Variants in DLEU7 observed in about 807,000 individuals in gnomAD.
The protein encoded by DLEU7 is deleted in lymphocytic leukemia 7, also known as leukemia-associated protein 7.
A neutral mutation model predicts 16.0 loss-of-function variants in DLEU7; 17 were observed. The ratio of observed to expected loss-of-function variants is 1.06; its 90% CI spans 0.73 to 1.59. The LOEUF (loss-of-function observed/expected upper bound fraction) is 1.59. Ranked by LOEUF, DLEU7 falls within the 40% of genes most tolerant of loss-of-function variation. The probability of loss-of-function intolerance (pLI) is 0.00; values close to 1 mark genes in which losing one functional copy is unlikely to be tolerated. For missense variants in DLEU7, 308 were observed against 314.9 expected, an observed-to-expected ratio of 0.98 and a Z score of 0.17; for synonymous variants, 113 against 139.8, an observed-to-expected ratio of 0.81 and a Z score of 1.35.
At chr13:50,718,860 CACAAGA>C in intron 1 of DLEU7, among the ~76,000 whole-genome samples, 1 of 152,160 alleles carries the variant, frequency 6.6e-6, no homozygotes, top group African/African-American at 2.4e-5. Context: ...CCTAATTGTG[CACAAGA>C]ACAAGAATCC....
In DLEU7 at chr13:50,838,026, T is replaced by C. The variant is rs1373887877; in HGVS notation, c.459+5162A>G. Among the ~76,000 whole-genome samples the C allele has an allele frequency of 4.6e-5, 7 of 152,026 alleles. No homozygotes were observed. The South Asian group carries it at 6.2e-4, about 14-fold the overall frequency. ...AAAATATAAGGAGAGAGAAAATTGA[T>C]AGAAACAGGTCCAGGGGCAAGTGAA... On this transcript the variant is annotated intron_variant, in intron 1 of 1. Coordinates refer to ENST00000504404, the MANE Select transcript of DLEU7 (RefSeq NM_001306135.2).
At chr13:50,841,495 G>A (rs558377075) in intron 1 of DLEU7, among the ~76,000 whole-genome samples, 1 of 152,106 alleles carries the variant, frequency 6.6e-6, no homozygotes. Flanking sequence ...CCTATGCCCT[G>A]TATGTGCTAC....
intron 1 of DLEU7, among the ~76,000 whole-genome samples, chr13:50,777,718 T>C (rs1253916243): frequency 6.6e-6 from 1 of 152,222 alleles, no homozygotes; most frequent in Non-Finnish European, 1.5e-5. Flanking sequence ...AGTAATATCT[T>C]TCTCTCATCA....
chr13:50,823,902 A>G (rs1877000886), intron 1 of DLEU7, among the ~76,000 whole-genome samples: 1 of 152,242 alleles, frequency 6.6e-6, no homozygotes, highest in Non-Finnish European at 1.5e-5. Flanking sequence ...AGAAGAAAGG[A>G]GAACCAAGAG....
chr13:50,715,649 G>T (rs1476910962), intron 1 of DLEU7, among the ~76,000 whole-genome samples: 1 of 152,228 alleles, frequency 6.6e-6, no homozygotes, highest in East Asian at 1.9e-4. Flanking sequence ...AGAAGTCGGA[G>T]ATGGAGGAGG....
At chr13:50,713,646 TACAATTCCTAA>T (rs1873357584) in intron 1 of DLEU7, among the ~76,000 whole-genome samples, 2 of 152,204 alleles carry the variant, frequency 1.3e-5, no homozygotes, top group South Asian at 4.1e-4. Context: ...TCCATGATCT[TACAATTCCTAA>T]ACAGCAACAG....
intron 1 of DLEU7, among the ~76,000 whole-genome samples, chr13:50,736,649 GAA>G (rs1874078777): frequency 3.3e-5 from 5 of 151,268 alleles, no homozygotes; most frequent in Admixed American, 3.3e-4. Context: ...CAAGAAGGAA[GAA>G]AAGAAAAACA....
At chr13:50,761,455 G>A (rs1593546800) in intron 1 of DLEU7, among the ~76,000 whole-genome samples, 2 of 152,098 alleles carry the variant, frequency 1.3e-5, no homozygotes, top group East Asian at 1.9e-4. Context: ...AAACCCAGCT[G>A]TTGGGGCAAG....
chr13:50,819,257 A>G (rs1467770185), downstream of DLEU7, among the ~76,000 whole-genome samples: 1 of 152,166 alleles, frequency 6.6e-6, no homozygotes, highest in Non-Finnish European at 1.5e-5. Flanking sequence ...GGCAGAGGGA[A>G]GAGCAAGTGC....
intron 1 of DLEU7, among the ~76,000 whole-genome samples, chr13:50,728,175 T>C (rs1174234182): frequency 6.6e-6 from 1 of 152,122 alleles, no homozygotes; most frequent in Non-Finnish European, 1.5e-5. Context: ...AGTCCTTAGG[T>C]TGTAAAGTAA....
At chr13:50,763,594 G>GT (rs781292971) in intron 1 of DLEU7, among the ~76,000 whole-genome samples, 4 of 152,228 alleles carry the variant, frequency 2.6e-5, no homozygotes, top group Non-Finnish European at 5.9e-5. Flanking sequence ...AAACAGAACT[G>GT]TCAGAAAATT....
At chr13:50,742,032 C>A (rs1452064674) in intron 1 of DLEU7, among the ~76,000 whole-genome samples, 1 of 152,040 alleles carries the variant, frequency 6.6e-6, no homozygotes, top group Non-Finnish European at 1.5e-5. Context: ...TCCATGAGTA[C>A]CTCTACCCAG....
At chr13:50,789,228 G>A (rs566745413) in intron 1 of DLEU7, among the ~76,000 whole-genome samples, 2 of 151,020 alleles carry the variant, frequency 1.3e-5, no homozygotes, top group Non-Finnish European at 2.9e-5. Context: ...GAAAGGACGC[G>A]TGGGACACTG....
chr13:50,795,570 T>G (rs545184276), intron 1 of DLEU7, among the ~76,000 whole-genome samples: 3 of 152,198 alleles, frequency 2.0e-5, no homozygotes, highest in Non-Finnish European at 4.4e-5. Context: ...ATTTATCCTG[T>G]TTTTCTTCAA....
intron 1 of DLEU7, among the ~76,000 whole-genome samples, chr13:50,834,508 G>T (rs536596359): frequency 1.3e-5 from 2 of 152,180 alleles, no homozygotes; most frequent in South Asian, 2.1e-4. Flanking sequence ...TCTCATGCCA[G>T]GTAGAACGGA....
At chr13:50,752,405 C>T (rs1874597064) in intron 1 of DLEU7, among the ~76,000 whole-genome samples, 1 of 150,740 alleles carries the variant, frequency 6.6e-6, no homozygotes. Context: ...CACTTAGCAC[C>T]ACCTTTGCTG....
chr13:50,733,340 T>C (rs1010797690), intron 1 of DLEU7, among the ~76,000 whole-genome samples: 1 of 152,216 alleles, frequency 6.6e-6, no homozygotes, highest in Admixed American at 6.5e-5. Context: ...GTCCTCATAT[T>C]TCTCCCTAGA....
chr13:50,820,844 C>G (rs954095438), downstream of DLEU7, among the ~76,000 whole-genome samples: 3 of 152,102 alleles, frequency 2.0e-5, no homozygotes, highest in African/African-American at 7.2e-5. Context: ...GTATATTTTA[C>G]TTAACCCAAC....
chr13:50,718,665 A>G (rs1156871186), intron 1 of DLEU7, among the ~76,000 whole-genome samples: 1 of 151,872 alleles, frequency 6.6e-6, no homozygotes, highest in Non-Finnish European at 1.5e-5. Flanking sequence ...TCTACCAAAC[A>G]CTCTCTTTTG....
Sources: gnomAD v4.1 joint callset for allele counts (sites outside exome capture counted in the v4.1 genomes callset) on GRCh38, gnomAD v4.1.1 for gene constraint, MANE v1.5 for transcripts, NCBI Gene and HGNC (gene_info 2026-07-23, HGNC 2026-07-21) for gene names.